The following PTPN14 variants were observed in gnomAD, a reference collection of about 807,000 sequenced individuals.
PTPN14 encodes protein tyrosine phosphatase non-receptor type 14.
Under a neutral mutation model 126.8 loss-of-function variants are expected in PTPN14, and 53 were observed. The observed-to-expected ratio is 0.42, with a 90% CI of 0.34 to 0.53. The LOEUF is 0.53. PTPN14 is among the 20% of genes least tolerant of loss of function. The pLI, the probability that PTPN14 is intolerant of heterozygous loss-of-function variation, is 0.08. For synonymous variants in PTPN14, 630 were observed against 599.3 expected (o/e 1.05, Z -0.75); for missense variants, 1,257 against 1,552.9 (o/e 0.81, Z 3.20).
chr1:214,515,642 T>G (rs1238338197), intron 1 of PTPN14, among the ~76,000 whole-genome samples: 1 of 152,224 alleles, frequency 6.6e-6, no homozygotes, highest in East Asian at 1.9e-4. Flanking sequence ...TCATTGACGT[T>G]TTGTGGTTTT....
At chr1:214,396,277 A>G (rs960716735) in intron 8 of PTPN14, among the ~76,000 whole-genome samples, 1 of 152,212 alleles carries the variant, frequency 6.6e-6, no homozygotes, top group Non-Finnish European at 1.5e-5. Flanking sequence ...TCTCTATGTC[A>G]AGGATGGATG....
intron 7 of PTPN14, among the ~76,000 whole-genome samples, chr1:214,399,381 T>A (rs1486053374): frequency 6.6e-6 from 1 of 152,248 alleles, no homozygotes; most frequent in Admixed American, 6.5e-5. Flanking sequence ...TAAGAGACAA[T>A]CTCTGGATTT....
chr1:214,503,708 T>G (rs1451119638), intron 1 of PTPN14, among the ~76,000 whole-genome samples: 1 of 152,248 alleles, frequency 6.6e-6, no homozygotes, highest in Non-Finnish European at 1.5e-5. Flanking sequence ...AATCCTATGA[T>G]GTACTTAGCT....
intron 1 of PTPN14, among the ~76,000 whole-genome samples, chr1:214,545,128 C>T (rs1470681414): frequency 6.6e-6 from 1 of 152,108 alleles, no homozygotes; most frequent in East Asian, 1.9e-4. Flanking sequence ...AGGGGAAAAA[C>T]AATTAAATAG....
At chr1:214,529,059 T>G (rs940281467) in intron 1 of PTPN14, 2 of 151,976 alleles carry the variant, frequency 1.3e-5, no homozygotes, top group Non-Finnish European at 2.9e-5. Context: ...CTCTAAGACT[T>G]TGGGAGGCCA....
intron 17 of PTPN14, among the ~76,000 whole-genome samples, chr1:214,367,463 C>A (rs1056071923): frequency 6.6e-6 from 1 of 152,184 alleles, no homozygotes; most frequent in Non-Finnish European, 1.5e-5. Context: ...ACTTGTAAAT[C>A]AGTATTTTTA....
chr1:214,449,478 C>G (rs2102631254), intron 3 of PTPN14, among the ~76,000 whole-genome samples: 1 of 152,272 alleles, frequency 6.6e-6, no homozygotes, highest in African/African-American at 2.4e-5. Context: ...TCAATATACA[C>G]TAATTTCTAG....
At chr1:214,491,055 AAAACAAAG>A (rs1255586765) in intron 1 of PTPN14, among the ~76,000 whole-genome samples, 4 of 149,946 alleles carry the variant, frequency 2.7e-5, no homozygotes, top group Non-Finnish European at 5.9e-5. Context: ...GAAAGAAAGA[AAAACAAAG>A]AAAGAAAGAA....
At chr1:214,460,457 C>T (rs1660484107) in intron 2 of PTPN14, among the ~76,000 whole-genome samples, 1 of 150,144 alleles carries the variant, frequency 6.7e-6, no homozygotes, top group African/African-American at 2.5e-5. Context: ...CTGCCTTTCC[C>T]TGAAAATTCC....
At chr1:214,496,061 C>CA (rs1015790917) in intron 1 of PTPN14, among the ~76,000 whole-genome samples, 23 of 151,208 alleles carry the variant, frequency 1.5e-4, no homozygotes, top group East Asian at 5.8e-4. Context: ...CTTTTCTAAA[C>CA]AAAAAAAAAC....
intron 1 of PTPN14, among the ~76,000 whole-genome samples, chr1:214,510,807 G>A (rs72759620): frequency 0.1 from 15,555 of 152,234 alleles, 996 homozygotes; most frequent in East Asian, 0.24. Flanking sequence ...GTGAATGAAT[G>A]ATCTGTCCTC....
At chr1:214,471,945 T>C (rs61819626) in intron 1 of PTPN14, among the ~76,000 whole-genome samples, 4,675 of 152,268 alleles carry the variant, frequency 0.031, 106 homozygotes, top group Middle Eastern at 0.065. Flanking sequence ...ATAAAATCCA[T>C]GAGGCCATGT....
At chr1:214,479,181 T>C (rs1660929365) in intron 1 of PTPN14, among the ~76,000 whole-genome samples, 1 of 152,006 alleles carries the variant, frequency 6.6e-6, no homozygotes, top group Admixed American at 6.6e-5. Context: ...CCCACATCTC[T>C]ACAAAAAATT....
rs554140649 is a variant in PTPN14, at chr1:214,448,307, T to C, written c.344+3498A>G. ...GTGCAGTGGCGCGATCTCGGCTCAC[T>C]GCAAGCTCCGCCTCCCAGGTTCACG... On this transcript the variant is annotated intron_variant, in intron 3 of 18. Transcript: ENST00000366956. 7.0e-4 allele frequency among the ~76,000 whole-genome samples: 106 copies of C among 152,174 alleles called. 1 individual carries two copies. Among genetic ancestry groups the C allele is most frequent in the African/African-American group, 2.4e-3 (100 of 41,526 alleles).
At chr1:214,500,729 T>C (rs1171552278) in intron 1 of PTPN14, among the ~76,000 whole-genome samples, 1 of 151,856 alleles carries the variant, frequency 6.6e-6, no homozygotes, top group Non-Finnish European at 1.5e-5. Flanking sequence ...TTACATCCTA[T>C]CTAAGGTCTT....
intron 1 of PTPN14, among the ~76,000 whole-genome samples, chr1:214,482,535 A>G (rs1244518157): frequency 6.6e-6 from 1 of 151,856 alleles, no homozygotes; most frequent in East Asian, 1.9e-4. Flanking sequence ...TAGCCAATAC[A>G]TAGAGGCATG....
At position 214,391,058 on chromosome 1, in the gene PTPN14, G is replaced by T; in HGVS notation, c.930-13C>A. ...AGAATTTGACTGTCTACATGAAGAG[G>T]TGAAAAAATGAGAATGGTTATTATT... is the stretch of plus-strand genomic sequence containing the variant. On this transcript the variant is annotated splice_polypyrimidine_tract_variant and intron_variant, in intron 10 of 18. Transcript: ENST00000366956. 1.9e-6 allele frequency: 3 copies of T among 1,554,180 alleles called. No homozygotes were observed. Among genetic ancestry groups the T allele is most frequent in the Non-Finnish European group, 2.6e-6 (3 of 1,139,726 alleles).
chr1:214,447,468 G>T (rs928691839), intron 3 of PTPN14, among the ~76,000 whole-genome samples: 1 of 152,062 alleles, frequency 6.6e-6, no homozygotes, highest in Non-Finnish European at 1.5e-5. Context: ...CCTACGGCAT[G>T]TCTTGCTGAA....
intron 1 of PTPN14, among the ~76,000 whole-genome samples, chr1:214,470,118 C>T (rs995716637): frequency 2.2e-3 from 92 of 42,372 alleles, no homozygotes; most frequent in African/African-American, 0.011. Context: ...GAGACTTTGA[C>T]CCTACAAAAT....
Sources: allele counts gnomAD v4.1 joint callset (sites outside exome capture counted in the v4.1 genomes callset), GRCh38; gene constraint gnomAD v4.1.1; transcripts MANE v1.5; gene names NCBI Gene and HGNC (gene_info 2026-07-23, HGNC 2026-07-21).